PTPRO: variants seen among roughly 807,000 people sequenced by gnomAD.
PTPRO encodes the protein receptor-type tyrosine-protein phosphatase O.
PTPRO carries 62 observed loss-of-function variants against 145.2 expected under a neutral mutation model. The observed-to-expected ratio is 0.43, with a 90% CI of 0.35 to 0.53. PTPRO has a LOEUF of 0.53. PTPRO is among the 20% of genes least tolerant of loss of function. PTPRO has a pLI of 0.01. For synonymous variants in PTPRO, 565 were observed against 514.7 expected, an observed-to-expected ratio of 1.10 and a Z score of -1.32; for missense variants, 1,345 against 1,482.7, an observed-to-expected ratio of 0.91 and a Z score of 1.53.
intron 1 of PTPRO, among the ~76,000 whole-genome samples, chr12:15,427,623 T>C (rs1043174564): frequency 6.6e-6 from 1 of 151,878 alleles, no homozygotes; most frequent in Non-Finnish European, 1.5e-5. Context: ...AAACAATTTG[T>C]GATAATATTC....
intron 19 of PTPRO, among the ~76,000 whole-genome samples, chr12:15,576,457 T>C (rs1449134320): frequency 6.6e-6 from 1 of 152,216 alleles, no homozygotes; most frequent in Non-Finnish European, 1.5e-5. Context: ...TTCTGTCAGT[T>C]AGTCAGCTTC....
intron 1 of PTPRO, chr12:15,440,098 G>A: frequency 1.6e-6 from 1 of 631,922 alleles, no homozygotes; most frequent in South Asian, 1.7e-5. Context: ...GCTCTGTGCT[G>A]GTGCACCTCA....
At chr12:15,415,592 A>C (rs188022329) in intron 1 of PTPRO, among the ~76,000 whole-genome samples, 2 of 151,294 alleles carry the variant, frequency 1.3e-5, no homozygotes, top group South Asian at 4.1e-4. Context: ...CACTCATGTT[A>C]GCCAGGATGG....
At chr12:15,572,132 T>G (rs1436101016) in intron 19 of PTPRO, among the ~76,000 whole-genome samples, 1 of 152,212 alleles carries the variant, frequency 6.6e-6, no homozygotes, top group African/African-American at 2.4e-5. Context: ...CCAATTGATA[T>G]ATAATGAGTT....
rs540559207 is a variant in PTPRO at position 15,450,929 on chromosome 12, A to C, written c.76-33045A>C. ...GGACCTATAAAACAACAATAAAGAA[A>C]AAAAAGGTATTCAGGCAACAAATAG... On this transcript the variant is annotated intron_variant, in intron 1 of 26. Transcript: ENST00000281171. Among the ~76,000 whole-genome samples the C allele has an allele frequency of 9.2e-5, 14 of 152,208 alleles. No homozygotes were observed. In the East Asian group the frequency reaches 1.5e-3, roughly 17 times the overall value.
intron 1 of PTPRO, among the ~76,000 whole-genome samples, chr12:15,452,611 T>C (rs926275849): frequency 3.9e-5 from 6 of 152,142 alleles, no homozygotes; most frequent in African/African-American, 1.4e-4. Flanking sequence ...AAATACTAGC[T>C]AACTGAATAC....
At chr12:15,394,523 G>T (rs368056590) in intron 1 of PTPRO, among the ~76,000 whole-genome samples, 3 of 152,030 alleles carry the variant, frequency 2.0e-5, no homozygotes, top group Non-Finnish European at 2.9e-5. Flanking sequence ...CATATGCCCC[G>T]ATCTATTGGT....
rs529990256 is a variant in PTPRO at position 15,471,520 on chromosome 12, C to T, written c.76-12454C>T. Reference sequence around the variant, plus strand: ...ATTGTAAATATTCTAATTCAACAAGCATTTAAGAACCTGCCATATGATCTT... The same window carrying T: ...ATTGTAAATATTCTAATTCAACAAGTATTTAAGAACCTGCCATATGATCTT... On this transcript the variant is annotated intron_variant, in intron 1 of 26. Transcript: ENST00000281171. Among the ~76,000 whole-genome samples, 3 of 152,338 alleles carry T rather than the reference C, an allele frequency of 2.0e-5. No individual in the cohort carries two copies. In the South Asian group the frequency reaches 6.2e-4, roughly 32 times the overall value.
intron 1 of PTPRO, among the ~76,000 whole-genome samples, chr12:15,392,589 C>T (rs930331152): frequency 1.1e-4 from 16 of 151,934 alleles, no homozygotes; most frequent in African/African-American, 2.7e-4. Flanking sequence ...GGCATAGTGG[C>T]GCACACCTGT....
chr12:15,538,679 A>G (rs1403451731), intron 12 of PTPRO, among the ~76,000 whole-genome samples: 2 of 152,256 alleles, frequency 1.3e-5, no homozygotes, highest in African/African-American at 4.8e-5. Flanking sequence ...TACACAAGCA[A>G]GTGCCCACTC....
At position 15,516,861 on chromosome 12, in the gene PTPRO, G is replaced by T. The variant is rs747331047; in HGVS notation, c.1684G>T (p.Val562Leu). Reference sequence around the variant, plus strand: ...TTATTTAGGCGTGTTCAGAAAATACGTGGTTGAAATGTTTTATTTCAACCC... The same window carrying T: ...TTATTTAGGCGTGTTCAGAAAATACTTGGTTGAAATGTTTTATTTCAACCC... ...RPYLGVFRKY[V>L]VEMFYFNPAT... The change falls in exon 9 of 27, where the codon GTG becomes TTG. Residue 562 changes from valine to leucine, a missense_variant. By Grantham distance (32) the Val-to-Leu change is conservative (BLOSUM62 1). Transcript: ENST00000281171. The T allele has an allele frequency of 1.9e-6, 3 of 1,612,552 alleles. No homozygotes were observed. In the Admixed American group the frequency reaches 5.0e-5, roughly 27 times the overall value.
chr12:15,569,458 T>C lies in PTPRO; in HGVS notation c.2789T>C (p.Met930Thr). The change falls in exon 19 of 27, where the codon ATG (methionine) becomes ACG (threonine). Residue 930 changes from methionine to threonine, a missense_variant. By Grantham distance (81) the Met-to-Thr change is moderately conservative. Coordinates refer to ENST00000281171, the MANE Select transcript of PTPRO (RefSeq NM_030667.3). ...LDDFDAYIKDMAKDSDYKFSL... is the reference protein window; with the variant it reads ...LDDFDAYIKDTAKDSDYKFSL... ...GACTTTGATGCCTATATTAAGGATATGGCCAAAGACTCTGACTATAAATTT... is the reference window on the plus strand; with the variant it reads ...GACTTTGATGCCTATATTAAGGATACGGCCAAAGACTCTGACTATAAATTT... The C allele has an allele frequency of 6.2e-7, 1 of 1,613,862 alleles. No homozygotes were observed. Among genetic ancestry groups the C allele is most frequent in the Non-Finnish European group, 8.5e-7 (1 of 1,179,792 alleles).
chr12:15,361,230 G>C (rs1395898929), intron 1 of PTPRO, among the ~76,000 whole-genome samples: 1 of 151,636 alleles, frequency 6.6e-6, no homozygotes, highest in Non-Finnish European at 1.5e-5. Flanking sequence ...GAGGTTAGGA[G>C]ATCAAGACCA....
chr12:15,364,958 G>T (rs888801033), intron 1 of PTPRO, among the ~76,000 whole-genome samples: 1 of 152,016 alleles, frequency 6.6e-6, no homozygotes, highest in Non-Finnish European at 1.5e-5. Flanking sequence ...ATTTTTAATG[G>T]GTTGATTGCT....
At chr12:15,439,497 A>G (rs575181126) in intron 1 of PTPRO, 13 of 218,864 alleles carry the variant, frequency 5.9e-5, no homozygotes, top group Non-Finnish European at 1.1e-4. Context: ...TAAAAATACA[A>G]GACTCACTTC....
intron 24 of PTPRO, among the ~76,000 whole-genome samples, chr12:15,587,783 A>G (rs879031492): frequency 2.0e-5 from 3 of 152,236 alleles, no homozygotes; most frequent in Admixed American, 2.0e-4. Context: ...CAGGGGACAT[A>G]AACGTGCTCC....
rs1942226163 is a variant in PTPRO, at chr12:15,501,768, A to T, written c.810A>T (p.Glu270Asp). ...AAAAACTCTTCCATTTTACAGAAGA[A>T]ACCCCTGAAATTCCCTCGGGCAACA... ...GKEKLFHFTE[E>D]TPEIPSGNIS... Residue 270 changes from glutamate to aspartate, a missense_variant, in exon 5 of 27, where the codon GAA (glutamate) becomes GAT (aspartate). Coordinates refer to ENST00000281171, the MANE Select transcript of PTPRO (RefSeq NM_030667.3). The T allele has an allele frequency of 6.2e-7, 1 of 1,614,128 alleles. No individual in the cohort carries two copies. The highest frequency in any genetic ancestry group is 8.5e-7 in the Non-Finnish European group (1 of 1,180,012).
intron 9 of PTPRO, among the ~76,000 whole-genome samples, chr12:15,518,191 C>G (rs553340071): frequency 3.2e-4 from 49 of 151,952 alleles, no homozygotes; most frequent in African/African-American, 1.2e-3. Context: ...AGCTGCCAAG[C>G]CTTGGGGCTT....
intron 1 of PTPRO, among the ~76,000 whole-genome samples, chr12:15,370,159 C>A (rs1461293829): frequency 6.6e-6 from 1 of 152,156 alleles, no homozygotes; most frequent in Non-Finnish European, 1.5e-5. Flanking sequence ...TGCAGACAGT[C>A]TTTGTATGAA....
Sources: gnomAD v4.1 joint callset for allele counts (sites outside exome capture counted in the v4.1 genomes callset) on GRCh38, gnomAD v4.1.1 for gene constraint, MANE v1.5 for transcripts, NCBI Gene and HGNC (gene_info 2026-07-23, HGNC 2026-07-21) for gene names.